POLR1C: variants seen among roughly 807,000 people sequenced by gnomAD.
POLR1C encodes RNA polymerase I and III subunit C.
A neutral mutation model predicts 38.3 loss-of-function variants in POLR1C; 42 were observed. The observed-to-expected ratio is 1.10, with a 90% CI of 0.86 to 1.42. POLR1C has a LOEUF of 1.42. Among genes scored for constraint, POLR1C ranks in the 40% most tolerant of loss-of-function variants. The pLI is 0.00. For synonymous variants in POLR1C, 163 were observed against 163.9 expected (o/e 0.99, Z 0.04); for missense variants, 507 against 450.5 (o/e 1.13, Z -1.14).
At chr6:43,560,714 C>T (rs553623394) in intron 10 of POLR1C, among the ~76,000 whole-genome samples, 5 of 152,208 alleles carry the variant, frequency 3.3e-5, no homozygotes, top group African/African-American at 1.2e-4. Flanking sequence ...CAGAATATTA[C>T]CTAAAGGGAA....
At chr6:43,556,167 G>GT (rs1762075865) in intron 10 of POLR1C, 1 of 581,268 alleles carries the variant, frequency 1.7e-6, no homozygotes, top group Middle Eastern at 4.9e-4. Flanking sequence ...TCTGGAAACT[G>GT]TATTACCAGC....
chr6:43,530,447 T>C (rs997088002), downstream of POLR1C, among the ~76,000 whole-genome samples: 1 of 151,984 alleles, frequency 6.6e-6, no homozygotes, highest in African/African-American at 2.4e-5. Flanking sequence ...GTTTTATCTG[T>C]AATAATTCCG....
chr6:43,545,371 G>C (rs978442382), intron 9 of POLR1C, among the ~76,000 whole-genome samples: 5 of 152,052 alleles, frequency 3.3e-5, no homozygotes, highest in South Asian at 2.1e-4. Flanking sequence ...TGGAGAAGGG[G>C]CCAAAAAGTA....
intron 1 of POLR1C, 27 bp downstream of exon 1, chr6:43,517,205 C>T (rs773725760): frequency 2.5e-6 from 4 of 1,612,740 alleles, no homozygotes; most frequent in East Asian, 2.2e-5. Context: ...TGAGCTCGGG[C>T]GGGAGGAATG....
At chr6:43,559,158 G>A (rs1762270556) in intron 10 of POLR1C, 1 of 152,404 alleles carries the variant, frequency 6.6e-6, no homozygotes, top group African/African-American at 2.4e-5. Context: ...TTAGCCAAGT[G>A]TGGTGGTGGG....
At chr6:43,547,693 A>G (rs1795027058) in intron 9 of POLR1C, 1 of 1,613,860 alleles carries the variant, frequency 6.2e-7, no homozygotes, top group African/African-American at 1.3e-5. Flanking sequence ...GAAAGCATCA[A>G]CATCTGACAG....
chr6:43,560,972 A>T, intron 10 of POLR1C: 2 of 1,613,988 alleles, frequency 1.2e-6, no homozygotes, highest in Non-Finnish European at 1.7e-6. Context: ...GGTATTTTCC[A>T]AAGTTTGATG....
Position 43,521,257 on chromosome 6 carries a change from GC to G in POLR1C, c.1000del (p.Arg334GlyfsTer7). 6.2e-7 allele frequency: 1 copy of G among 1,613,140 alleles called. No individual in the cohort carries two copies. Among genetic ancestry groups the G allele is most frequent in the Non-Finnish European group, 8.5e-7 (1 of 1,180,026 alleles). ...GCCATCAAAGTACTGATGGGGAAGT[GC>G]CGGCGCTTCTTGGATGAACTAGATG... is the stretch of plus-strand genomic sequence containing the variant. ...SEAIKVLMGK[C>X]RRFLDELDAV... On this transcript the variant is annotated frameshift_variant, in exon 9 of 9. Coordinates refer to ENST00000642195, the MANE Select transcript of POLR1C (RefSeq NM_203290.4). LOFTEE classifies it high-confidence loss of function.
At chr6:43,538,150 T>C (rs1471875980) in intron 9 of POLR1C, among the ~76,000 whole-genome samples, 4 of 133,382 alleles carry the variant, frequency 3.0e-5, no homozygotes, top group African/African-American at 1.1e-4. Flanking sequence ...TTTTTTTTTT[T>C]TTTTTTTTTT....
At chr6:43,551,669 C>T (rs533845563) in intron 10 of POLR1C, among the ~76,000 whole-genome samples, 2 of 152,214 alleles carry the variant, frequency 1.3e-5, no homozygotes, top group Non-Finnish European at 2.9e-5. Flanking sequence ...GGACTACAGG[C>T]GGGCACCACC....
At chr6:43,534,632 G>A (rs768751868) in intron 9 of POLR1C, among the ~76,000 whole-genome samples, 1 of 152,150 alleles carries the variant, frequency 6.6e-6, no homozygotes, top group Non-Finnish European at 1.5e-5. Flanking sequence ...ATGGCTACAC[G>A]TTTAAGATGC....
downstream of POLR1C, among the ~76,000 whole-genome samples, chr6:43,534,205 A>G (rs1457438269): frequency 6.6e-6 from 1 of 152,192 alleles, no homozygotes; most frequent in Non-Finnish European, 1.5e-5. Context: ...TTATCTTAGT[A>G]TACAATACCT....
intron 8 of POLR1C, chr6:43,528,765 G>A: frequency 2.0e-6 from 3 of 1,496,864 alleles, no homozygotes; most frequent in South Asian, 2.4e-5. Context: ...GACTTGCAAA[G>A]CTCAGAAATG....
chr6:43,521,521 A>T, downstream of POLR1C: 2 of 1,285,356 alleles, frequency 1.6e-6, no homozygotes, highest in East Asian at 7.5e-5. Context: ...AAACTTTTTG[A>T]GACTACTTTT....
chr6:43,553,055 C>T (rs549465145), intron 10 of POLR1C, among the ~76,000 whole-genome samples: 2 of 151,438 alleles, frequency 1.3e-5, no homozygotes, highest in East Asian at 1.9e-4. Context: ...GGGTCATGCC[C>T]GCAATCTCAG....
intron 9 of POLR1C, among the ~76,000 whole-genome samples, chr6:43,540,834 C>T (rs1794654130): frequency 1.3e-5 from 2 of 151,878 alleles, no homozygotes; most frequent in Non-Finnish European, 2.9e-5. Context: ...TTCAAAGAAC[C>T]AGCTTTATTT....
chr6:43,529,399 AAAAAATT>A, exon 9 of POLR1C: 1 of 375,796 alleles, frequency 2.7e-6, no homozygotes, highest in Non-Finnish European at 5.0e-6. Flanking sequence ...AAAAAAAAAA[AAAAAATT>A]AGTCGGGCAT....
chr6:43,560,889 C>A (rs374179626), intron 10 of POLR1C: 188 of 1,553,138 alleles, frequency 1.2e-4, no homozygotes, highest in Non-Finnish European at 1.6e-4. Context: ...GTTCACCTAA[C>A]TAAACTTTTG....
At chr6:43,529,325 G>T (rs774522589) in exon 9 of POLR1C, 16 of 687,122 alleles carry the variant, frequency 2.3e-5, no homozygotes, top group Non-Finnish European at 3.6e-5. Context: ...AGTGGATCAC[G>T]GGGTCAAGAG....
Sources: gnomAD v4.1 joint callset for allele counts (sites outside exome capture counted in the v4.1 genomes callset) on GRCh38, gnomAD v4.1.1 for gene constraint, MANE v1.5 for transcripts, NCBI Gene and HGNC (gene_info 2026-07-23, HGNC 2026-07-21) for gene names.